Variants in MPP1 observed in about 807,000 individuals in gnomAD.
MPP1 encodes the protein 55 kDa erythrocyte membrane protein.
In MPP1, 6 loss-of-function variants were observed where a neutral mutation model predicts 38.2. The observed-to-expected ratio is 0.16, with a 90% CI of 0.09 to 0.31. The LOEUF (loss-of-function observed/expected upper bound fraction) is 0.31. MPP1 is among the 10% of genes least tolerant of loss of function. The pLI is 1.00. For synonymous variants in MPP1, 153 were observed against 146.3 expected, an observed-to-expected ratio of 1.05 and a Z score of -0.33; for missense variants, 293 against 368.9, an observed-to-expected ratio of 0.79 and a Z score of 1.69.
Position 154,805,406 on chromosome X carries a change from A to G in MPP1, c.-33T>C. 8.7e-7 allele frequency: 1 copy of G among 1,150,791 alleles called. No homozygotes were observed. Among genetic ancestry groups the G allele is most frequent in the Non-Finnish European group, 1.2e-6 (1 of 854,290 alleles). The allele number at this position is 1,150,791 out of a possible 1,213,427, so 94.8% of individuals were successfully genotyped here. A position where few individuals can be genotyped will look rare whatever the true frequency, so the allele number is the denominator to read the frequency against. On this transcript the variant is annotated 5_prime_UTR_variant, in exon 1 of 12. Transcript: ENST00000369534. ...AAGCTGGAACACTGGAACGCAAGAC[A>G]GGGCAGCGCTGGGAATGACAGGGCC...
At chrX:154,780,507 A>T (rs2071978874) in intron 11 of MPP1, among the ~76,000 whole-genome samples, 1 of 112,922 alleles carries the variant, frequency 8.9e-6, no homozygotes, top group Admixed American at 9.3e-5. Context: ...AGACTGGCAA[A>T]AAAAGAAAAT....
chrX:154,790,883 G>T, intron 4 of MPP1, 100 bp downstream of exon 4: 1 of 708,774 alleles, frequency 1.4e-6, no homozygotes, highest in African/African-American at 2.1e-5. Flanking sequence ...CCTCAAGAAG[G>T]TACAAATACT....
Position 154,781,680 on chromosome X carries a change from T to C in MPP1, c.1069A>G (p.Asn357Asp). Residue 357 changes from asparagine (N) to aspartate (D), a missense_variant, in exon 10 of 12, where the codon AAC becomes GAC. Asn to Asp is a conservative substitution (Grantham distance 23). Coordinates refer to ENST00000369534, the MANE Select transcript of MPP1 (RefSeq NM_002436.4). ...GTTTCAAATTTGGTGCCAAACATGT[T>C]GCCTTGGTAGCTGCCAAACTCCAAG... Reference protein sequence around the residue: ...EFLEFGSYQGNMFGTKFETVH... With the variant: ...EFLEFGSYQGDMFGTKFETVH... 2.5e-6 allele frequency: 3 copies of C among 1,211,899 alleles called. No homozygotes were observed. The highest frequency in any genetic ancestry group is 3.3e-6 in the Non-Finnish European group (3 of 895,536).
chrX:154,803,375 A>C (rs1411698901), intron 1 of MPP1, among the ~76,000 whole-genome samples: 10 of 112,396 alleles, frequency 8.9e-5, no homozygotes, highest in African/African-American at 3.2e-4. Context: ...GTTAGTAAAA[A>C]CCAAACAAAT....
intron 1 of MPP1, among the ~76,000 whole-genome samples, chrX:154,793,168 A>G (rs1483069810): frequency 1.8e-5 from 2 of 112,327 alleles, no homozygotes; most frequent in African/African-American, 6.5e-5. Flanking sequence ...TTTAAAAGTA[A>G]GAAGTCTATT....
At chrX:154,791,464 T>C (rs2072141208) in intron 3 of MPP1, among the ~76,000 whole-genome samples, 1 of 112,501 alleles carries the variant, frequency 8.9e-6, no homozygotes, top group Non-Finnish European at 1.9e-5. Context: ...TGCTGTCCTT[T>C]CCAAGTCTAA....
chrX:154,783,527 C>T lies in MPP1; in HGVS notation c.866-20G>A. 1 of 1,171,913 alleles carries T rather than the reference C, an allele frequency of 8.5e-7. No individual in the cohort carries two copies. Among genetic ancestry groups the T allele is most frequent in the East Asian group, 3.0e-5 (1 of 33,520 alleles). On this transcript the variant is annotated intron_variant, in intron 8 of 11. Coordinates refer to ENST00000369534, the MANE Select transcript of MPP1 (RefSeq NM_002436.4). ...TGGCTCCTGTGTAGAGAGAGAAGAACATCTTTTGGAAAGGGGGGAGAGGAG... is the reference window on the plus strand; with the variant it reads ...TGGCTCCTGTGTAGAGAGAGAAGAATATCTTTTGGAAAGGGGGGAGAGGAG...
At chrX:154,781,357 G>A (rs782076259) in intron 10 of MPP1, 44 bp from the exon 11 acceptor site, 6 of 921,068 alleles carry the variant, frequency 6.5e-6, no homozygotes, top group Admixed American at 2.7e-5. Context: ...GGGGAAGGAA[G>A]AAAAGGAAAG....
chrX:154,790,018 T>G lies in MPP1; in HGVS notation c.416A>C (p.Glu139Ala), dbSNP rs1557267575. The G allele has an allele frequency of 8.5e-7, 1 of 1,175,380 alleles. No individual in the cohort carries two copies. Among genetic ancestry groups the G allele is most frequent in the East Asian group, 3.0e-5 (1 of 33,303 alleles). ...SVDQLQKAMK[E>A]TKGMISLKVI... Reference sequence around the variant, plus strand: ...TTTTAATGAGATCATTCCTTTGGTTTCTTTCTATTAAAAAAAATGGACATA... The same window carrying G: ...TTTTAATGAGATCATTCCTTTGGTTGCTTTCTATTAAAAAAAATGGACATA... The change falls in exon 5 of 12, where the codon GAA becomes GCA. Residue 139 changes from glutamate to alanine, a missense_variant. Glu to Ala is a moderately radical substitution (Grantham distance 107). Transcript: ENST00000369534.
chrX:154,791,529 G>A (rs915203199), intron 3 of MPP1: 1 of 356,677 alleles, frequency 2.8e-6, no homozygotes, highest in African/African-American at 2.6e-5. Context: ...GAAAAATATT[G>A]GTATAAATAG....
chrX:154,781,385 C>CAT, intron 10 of MPP1, 72 bp from the exon 11 acceptor site: 1 of 874,174 alleles, frequency 1.1e-6, no homozygotes, highest in African/African-American at 2.0e-5. Context: ...AAAAAACCTA[C>CAT]ATAGCTGTCA....
Position 154,802,460 on chromosome X carries a change from T to C in MPP1, c.102+2812A>G, listed in dbSNP as rs5987031. ...AGCCTGACTTATCTGTTAGGTGATTTTTTTTTGATGTGGGATAGGCCCAAG... is the reference window on the plus strand; with the variant it reads ...AGCCTGACTTATCTGTTAGGTGATTCTTTTTTGATGTGGGATAGGCCCAAG... On this transcript the variant is annotated intron_variant, in intron 1 of 11. Coordinates refer to ENST00000369534, the MANE Select transcript of MPP1 (RefSeq NM_002436.4). Among the ~76,000 whole-genome samples, 1,014 of 111,743 alleles carry C rather than the reference T, an allele frequency of 9.1e-3. 13 individuals are homozygous for C. The highest frequency in any genetic ancestry group is 0.032 in the African/African-American group (970 of 30,676).
In MPP1 at chrX:154,786,358, T is replaced by C. The variant is rs2072073681; in HGVS notation, c.523A>G (p.Asn175Asp). The change falls in exon 6 of 12, where the codon AAT becomes GAT. Residue 175 changes from asparagine (N) to aspartate (D), a missense_variant. Transcript: ENST00000369534. Reference protein sequence around the residue: ...AQFDYDPKKDNLIPCKEAGLK... With the variant: ...AQFDYDPKKDDLIPCKEAGLK... ...CCCGCCTCCTTGCAAGGGATCAGATTGTCCTTTTTGGGATCATAGTCAAAC... is the reference window on the plus strand; with the variant it reads ...CCCGCCTCCTTGCAAGGGATCAGATCGTCCTTTTTGGGATCATAGTCAAAC... 8.3e-7 allele frequency: 1 copy of C among 1,209,751 alleles called. No homozygotes were observed. The highest frequency in any genetic ancestry group is 1.8e-5 in the South Asian group (1 of 56,819).
chrX:154,799,801 T>G, intron 1 of MPP1: 2 of 1,166,018 alleles, frequency 1.7e-6, no homozygotes, highest in East Asian at 6.5e-5. Context: ...TCAGACAAAG[T>G]GCTGGAGTGG....
chrX:154,788,634 C>G (rs1455970685), intron 5 of MPP1, among the ~76,000 whole-genome samples: 1 of 112,097 alleles, frequency 8.9e-6, no homozygotes, highest in African/African-American at 3.3e-5. Flanking sequence ...TATCCTACAA[C>G]CTGGCAATTC....
intron 4 of MPP1, among the ~76,000 whole-genome samples, chrX:154,790,587 A>T (rs1364625456): frequency 3.6e-5 from 4 of 111,135 alleles, no homozygotes; most frequent in African/African-American, 1.3e-4. Flanking sequence ...AGTCCTGAAG[A>T]AGTTCCTAAA....
intron 1 of MPP1, among the ~76,000 whole-genome samples, chrX:154,804,180 CAA>C (rs782072318): frequency 3.6e-5 from 4 of 111,900 alleles, no homozygotes; most frequent in Non-Finnish European, 5.6e-5. Context: ...CCACTTAGCC[CAA>C]AGAGTCTACA....
chrX:154,790,106 C>T, intron 4 of MPP1, 84 bp from the exon 5 acceptor site: 1 of 576,684 alleles, frequency 1.7e-6, no homozygotes, highest in Non-Finnish European at 2.7e-6. Flanking sequence ...GGTTTTTTTC[C>T]CCAACAACCA....
chrX:154,788,517 A>C (rs1269585684), intron 5 of MPP1, among the ~76,000 whole-genome samples: 1 of 112,307 alleles, frequency 8.9e-6, no homozygotes, highest in African/African-American at 3.2e-5. Context: ...AGTATTGGTG[A>C]GAATACAGAA....
Sources: gnomAD v4.1 joint callset for allele counts (sites outside exome capture counted in the v4.1 genomes callset) on GRCh38, gnomAD v4.1.1 for gene constraint, MANE v1.5 for transcripts, NCBI Gene and HGNC (gene_info 2026-07-23, HGNC 2026-07-21) for gene names.